CADPS2: variants seen among roughly 807,000 people sequenced by gnomAD.
The protein encoded by CADPS2 is calcium dependent secretion activator 2.
Under a neutral mutation model 172.5 loss-of-function variants are expected in CADPS2, and 93 were observed. The observed-to-expected ratio is 0.54, with a 90% CI of 0.46 to 0.64. The LOEUF is 0.64. CADPS2 is among the 30% of genes least tolerant of loss of function. CADPS2 has a pLI of 0.00. For synonymous variants in CADPS2, 546 were observed against 555.2 expected (o/e 0.98, Z 0.23); for missense variants, 1,420 against 1,565.9 (o/e 0.91, Z 1.57).
intron 1 of CADPS2, among the ~76,000 whole-genome samples, chr7:122,816,766 CCT>C (rs1459690039): frequency 6.6e-6 from 1 of 152,298 alleles, no homozygotes; most frequent in African/African-American, 2.4e-5. Flanking sequence ...CATCGCATCC[CCT>C]GTGACTTGCA....
At chr7:122,587,256 T>C (rs1285351344) in intron 6 of CADPS2, among the ~76,000 whole-genome samples, 1 of 151,874 alleles carries the variant, frequency 6.6e-6, no homozygotes, top group Non-Finnish European at 1.5e-5. Flanking sequence ...TCCTAATACT[T>C]TTCCTCCTCC....
At chr7:122,428,471 ATTT>A (rs369393609) in intron 17 of CADPS2, among the ~76,000 whole-genome samples, 3,189 of 117,048 alleles carry the variant, frequency 0.027, 126 homozygotes, top group African/African-American at 0.12. Flanking sequence ...ATATATATAT[ATTT>A]TTTTTTTTTT....
chr7:122,722,060 C>T (rs2090481976), intron 2 of CADPS2, among the ~76,000 whole-genome samples: 1 of 152,034 alleles, frequency 6.6e-6, no homozygotes, highest in Admixed American at 6.6e-5. Context: ...TAAGAGCTAT[C>T]TATGACAAAC....
At chr7:122,459,324 T>C (rs2054170864) in intron 14 of CADPS2, among the ~76,000 whole-genome samples, 1 of 152,058 alleles carries the variant, frequency 6.6e-6, no homozygotes, top group Non-Finnish European at 1.5e-5. Context: ...GCTTCAATAA[T>C]TAATCTTATA....
intron 1 of CADPS2, among the ~76,000 whole-genome samples, chr7:122,844,621 T>C (rs1023328472): frequency 9.2e-5 from 14 of 152,182 alleles, no homozygotes; most frequent in Non-Finnish European, 1.8e-4. Context: ...CTTAACTAAA[T>C]AGAAAAGTCT....
intron 6 of CADPS2, among the ~76,000 whole-genome samples, chr7:122,602,729 T>A (rs552275073): frequency 1.1e-4 from 17 of 152,206 alleles, no homozygotes; most frequent in African/African-American, 4.1e-4. Context: ...ATTCTCTTCT[T>A]ACCACTGAGG....
chr7:122,545,932 A>G (rs1402782703), intron 8 of CADPS2, among the ~76,000 whole-genome samples: 2 of 152,086 alleles, frequency 1.3e-5, no homozygotes, highest in Non-Finnish European at 2.9e-5. Flanking sequence ...ATTAATATTG[A>G]TACGTAAAAT....
chr7:122,750,613 A>G (rs78089888), intron 1 of CADPS2, among the ~76,000 whole-genome samples: 1,683 of 152,282 alleles, frequency 0.011, 16 homozygotes, highest in Middle Eastern at 0.041. Flanking sequence ...CCACAGCAGA[A>G]CTTGACATCC....
intron 2 of CADPS2, among the ~76,000 whole-genome samples, chr7:122,727,902 A>C (rs1164104888): frequency 1.3e-5 from 2 of 151,972 alleles, no homozygotes; most frequent in Non-Finnish European, 2.9e-5. Flanking sequence ...ATACAATGTG[A>C]TCTGCAGAGC....
At chr7:122,605,800 T>C (rs1194723564) in intron 6 of CADPS2, among the ~76,000 whole-genome samples, 1 of 152,174 alleles carries the variant, frequency 6.6e-6, no homozygotes, top group African/African-American at 2.4e-5. Context: ...TTATTAGATA[T>C]GCATCTCAAT....
At chr7:122,606,998 T>A (rs1458671973) in intron 6 of CADPS2, among the ~76,000 whole-genome samples, 2 of 152,074 alleles carry the variant, frequency 1.3e-5, no homozygotes, top group Non-Finnish European at 2.9e-5. Flanking sequence ...TGTGGACACC[T>A]GATATGACAA....
intron 8 of CADPS2, among the ~76,000 whole-genome samples, chr7:122,549,037 T>C (rs924709587): frequency 6.6e-6 from 1 of 152,224 alleles, no homozygotes; most frequent in Admixed American, 6.5e-5. Flanking sequence ...TGTACATTTC[T>C]ATTTTTCTCA....
intron 1 of CADPS2, among the ~76,000 whole-genome samples, chr7:122,863,342 A>AAT (rs1817460986): frequency 6.6e-6 from 1 of 152,192 alleles, no homozygotes; most frequent in Non-Finnish European, 1.5e-5. Flanking sequence ...TTGCCTACAT[A>AAT]ATGTTTAAGA....
chr7:122,506,739 AAAAAC>A lies in CADPS2; in HGVS notation c.1542+6505_1542+6509del, dbSNP rs1350580332. The stretch of plus-strand genomic sequence containing the variant: ...TGCTAGAGTTATTTAAAAAAAAAAA[AAAAAC>A]AAACAAACTACACCAGAGCTGAATT... On this transcript the variant is annotated intron_variant, in intron 9 of 29. Transcript: ENST00000449022. Among the ~76,000 whole-genome samples, 7 of 151,106 alleles carry A rather than the reference AAAAAC, an allele frequency of 4.6e-5. No individual in the cohort carries two copies. In the South Asian group the frequency reaches 6.2e-4, roughly 13 times the overall value.
At chr7:122,885,105 A>T (rs1823980251) in intron 1 of CADPS2, among the ~76,000 whole-genome samples, 1 of 152,202 alleles carries the variant, frequency 6.6e-6, no homozygotes, top group African/African-American at 2.4e-5. Flanking sequence ...TCTATTAAAA[A>T]GATTTCCTAG....
intron 3 of CADPS2, among the ~76,000 whole-genome samples, chr7:122,630,085 T>C (rs1353193462): frequency 6.6e-6 from 1 of 152,188 alleles, no homozygotes; most frequent in African/African-American, 2.4e-5. Context: ...AATGTTAAAG[T>C]GAGGATGTTA....
intron 1 of CADPS2, among the ~76,000 whole-genome samples, chr7:122,835,028 AC>A (rs1177550081): frequency 6.6e-6 from 1 of 151,916 alleles, no homozygotes; most frequent in Non-Finnish European, 1.5e-5. Context: ...ATGGGGAGGC[AC>A]CCCCCAGGAG....
intron 2 of CADPS2, among the ~76,000 whole-genome samples, chr7:122,712,040 T>G (rs781306312): frequency 6.6e-5 from 10 of 152,050 alleles, no homozygotes; most frequent in Admixed American, 3.3e-4. Flanking sequence ...AAAAAAACAC[T>G]CTTGTATCTT....
At chr7:122,696,433 T>C (rs1182295707) in intron 2 of CADPS2, among the ~76,000 whole-genome samples, 2 of 152,198 alleles carry the variant, frequency 1.3e-5, no homozygotes, top group African/African-American at 4.8e-5. Flanking sequence ...TCACACCTGG[T>C]CATTTGCCCA....
Sources: gnomAD v4.1 joint callset for allele counts (sites outside exome capture counted in the v4.1 genomes callset) on GRCh38, gnomAD v4.1.1 for gene constraint, MANE v1.5 for transcripts, NCBI Gene and HGNC (gene_info 2026-07-23, HGNC 2026-07-21) for gene names.